The following DGKB variants were observed in gnomAD, a reference collection of about 807,000 sequenced individuals.
DGKB encodes 90 kDa diacylglycerol kinase.
In DGKB, 67 loss-of-function variants were observed where a neutral mutation model predicts 114.3. The observed-to-expected ratio is 0.59, with a 90% confidence interval of 0.48 to 0.72. The LOEUF (loss-of-function observed/expected upper bound fraction) is 0.72. Among genes scored for constraint, DGKB ranks in the 30% least tolerant of loss-of-function variants. The pLI is 0.00. For missense variants in DGKB, 907 were observed against 975.2 expected (o/e 0.93, Z 0.93); for synonymous variants, 398 against 323.1 (o/e 1.23, Z -2.49).
intron 1 of DGKB, among the ~76,000 whole-genome samples, chr7:14,851,653 T>C (rs1166035595): frequency 6.6e-6 from 1 of 152,214 alleles, no homozygotes; most frequent in Non-Finnish European, 1.5e-5. Flanking sequence ...TCTGAAGCTA[T>C]ACCTTATAGC....
chr7:14,961,729 C>G (rs1786854627), intron 1 of DGKB, among the ~76,000 whole-genome samples: 1 of 152,132 alleles, frequency 6.6e-6, no homozygotes, highest in African/African-American at 2.4e-5. Context: ...CCCTGTTGGG[C>G]TGGTAGATTT....
At chr7:14,726,916 A>G (rs1009950813) in intron 5 of DGKB, among the ~76,000 whole-genome samples, 8 of 152,238 alleles carry the variant, frequency 5.3e-5, no homozygotes, top group African/African-American at 1.9e-4. Flanking sequence ...TCCCATTTCC[A>G]CAGAGCTTTC....
intron 23 of DGKB, among the ~76,000 whole-genome samples, chr7:14,266,830 CA>C (rs1364968287): frequency 1.3e-5 from 2 of 152,128 alleles, no homozygotes; most frequent in African/African-American, 4.8e-5. Context: ...ATAAGGTGAT[CA>C]TTCTGTAACC....
At chr7:14,679,837 T>A (rs572344921) in intron 12 of DGKB, among the ~76,000 whole-genome samples, 1 of 152,130 alleles carries the variant, frequency 6.6e-6, no homozygotes, top group African/African-American at 2.4e-5. Flanking sequence ...TACTACTAAA[T>A]ACATAAATGT....
chr7:14,805,811 C>CG (rs1562583460), intron 2 of DGKB, among the ~76,000 whole-genome samples: 14 of 151,102 alleles, frequency 9.3e-5, no homozygotes, highest in African/African-American at 3.2e-4. Flanking sequence ...TTTTCCAAGC[C>CG]AAAACTTCCA....
chr7:14,235,895 G>T (rs542395634), intron 23 of DGKB, among the ~76,000 whole-genome samples: 34 of 151,920 alleles, frequency 2.2e-4, no homozygotes, highest in Non-Finnish European at 4.4e-4. Flanking sequence ...CACCTTTCTG[G>T]TATGCTTACC....
At chr7:14,413,980 C>T (rs2128749565) in intron 21 of DGKB, among the ~76,000 whole-genome samples, 1 of 152,222 alleles carries the variant, frequency 6.6e-6, no homozygotes, top group Middle Eastern at 3.4e-3. Flanking sequence ...GCTAAATCCA[C>T]ACTAAGTCCT....
chr7:14,949,842 T>C (rs754390499), intron 1 of DGKB, among the ~76,000 whole-genome samples: 4 of 151,798 alleles, frequency 2.6e-5, no homozygotes, highest in Non-Finnish European at 5.9e-5. Flanking sequence ...CTCAGCACAC[T>C]ATTGCAAGGA....
intron 23 of DGKB, among the ~76,000 whole-genome samples, chr7:14,253,489 G>A (rs189308628): frequency 3.6e-4 from 55 of 152,040 alleles, no homozygotes; most frequent in Non-Finnish European, 2.6e-4. Context: ...CTAACAATTC[G>A]TTAAGGGCCC....
chr7:14,659,821 G>C (rs988446837), intron 13 of DGKB, among the ~76,000 whole-genome samples: 9 of 151,536 alleles, frequency 5.9e-5, no homozygotes, highest in African/African-American at 1.9e-4. Flanking sequence ...AGTTTTCAAA[G>C]GGAATGCTTC....
intron 23 of DGKB, among the ~76,000 whole-genome samples, chr7:14,234,782 T>C (rs1216932663): frequency 6.6e-6 from 1 of 152,076 alleles, no homozygotes; most frequent in East Asian, 1.9e-4. Flanking sequence ...TCTTATATCA[T>C]TGCAGTATTC....
intron 21 of DGKB, among the ~76,000 whole-genome samples, chr7:14,447,280 G>T (rs914722705): frequency 6.6e-6 from 1 of 152,034 alleles, no homozygotes; most frequent in Admixed American, 6.6e-5. Flanking sequence ...ACTGCTGAGA[G>T]CTTTTCTGTT....
intron 5 of DGKB, among the ~76,000 whole-genome samples, chr7:14,728,173 A>G (rs563781666): frequency 3.9e-4 from 59 of 152,298 alleles, no homozygotes; most frequent in African/African-American, 1.3e-3. Context: ...AGAGTTGGGG[A>G]CCAATGATAA....
intron 1 of DGKB, among the ~76,000 whole-genome samples, chr7:14,955,069 T>C (rs1254228955): frequency 1.3e-5 from 2 of 151,836 alleles, no homozygotes; most frequent in African/African-American, 4.8e-5. Flanking sequence ...GACTGTAGGG[T>C]TGTGAAAGGC....
intron 1 of DGKB, among the ~76,000 whole-genome samples, chr7:14,960,928 C>T (rs890961470): frequency 3.3e-5 from 5 of 152,090 alleles, no homozygotes; most frequent in Middle Eastern, 3.4e-3. Flanking sequence ...CGGGCGTGGG[C>T]GGAGGGCTTA....
intron 1 of DGKB, among the ~76,000 whole-genome samples, chr7:14,870,471 G>A (rs1332565050): frequency 2.0e-5 from 3 of 152,028 alleles, no homozygotes; most frequent in Non-Finnish European, 2.9e-5. Context: ...ACTTAAGTAC[G>A]AACTTTTGTT....
intron 23 of DGKB, among the ~76,000 whole-genome samples, chr7:14,245,036 A>C (rs1794266745): frequency 6.6e-6 from 1 of 152,116 alleles, no homozygotes; most frequent in Non-Finnish European, 1.5e-5. Context: ...CGGGAGAGTC[A>C]TGTATGCAGT....
At chr7:14,773,139 T>C (rs752185685) in intron 2 of DGKB, among the ~76,000 whole-genome samples, 3 of 152,202 alleles carry the variant, frequency 2.0e-5, no homozygotes, top group Non-Finnish European at 2.9e-5. Flanking sequence ...TCATTGTATA[T>C]AGAATGGATA....
chr7:14,313,639 G>A (rs1161677135), intron 23 of DGKB, among the ~76,000 whole-genome samples: 4 of 152,184 alleles, frequency 2.6e-5, no homozygotes, highest in South Asian at 2.1e-4. Context: ...CTACGCCCAC[G>A]GAGTCTCGCT....
Sources: gnomAD v4.1 joint callset for allele counts (sites outside exome capture counted in the v4.1 genomes callset) on GRCh38, gnomAD v4.1.1 for gene constraint, MANE v1.5 for transcripts, NCBI Gene and HGNC (gene_info 2026-07-23, HGNC 2026-07-21) for gene names.